Variants in ADGRB3 observed in about 807,000 individuals in gnomAD.
The protein encoded by ADGRB3 is brain-specific angiogenesis inhibitor 3.
A neutral mutation model predicts 193.4 loss-of-function variants in ADGRB3; 37 were observed. That is an observed-to-expected ratio of 0.19 (90% confidence interval 0.15 to 0.25). The LOEUF (loss-of-function observed/expected upper bound fraction) is 0.25, where lower values mean the gene tolerates loss of function less well. Among genes scored for constraint, ADGRB3 ranks in the 10% least tolerant of loss-of-function variants. The pLI is 1.00. For synonymous variants in ADGRB3, 690 were observed against 644.2 expected (o/e 1.07, Z -1.08); for missense variants, 1,637 against 1,852.9 (o/e 0.88, Z 2.14).
intron 3 of ADGRB3, among the ~76,000 whole-genome samples, chr6:68,740,284 C>T (rs898407008): frequency 2.0e-5 from 3 of 152,066 alleles, no homozygotes; most frequent in Non-Finnish European, 4.4e-5. Flanking sequence ...TAAGTCTGGG[C>T]GTGGTGGCAT....
intron 17 of ADGRB3, among the ~76,000 whole-genome samples, chr6:69,096,909 C>G (rs1049415421): frequency 2.6e-5 from 4 of 152,170 alleles, no homozygotes; most frequent in African/African-American, 9.7e-5. Context: ...CAAGGTCTCT[C>G]AGGAATCCAA....
At chr6:69,188,657 A>AT (rs567376004) in intron 17 of ADGRB3, among the ~76,000 whole-genome samples, 27 of 151,600 alleles carry the variant, frequency 1.8e-4, no homozygotes, top group South Asian at 4.2e-4. Flanking sequence ...CTCACAACAG[A>AT]TTTTTTTTTG....
chr6:69,347,862 A>G (rs1298757389), intron 26 of ADGRB3, among the ~76,000 whole-genome samples: 1 of 152,188 alleles, frequency 6.6e-6, no homozygotes, highest in Non-Finnish European at 1.5e-5. Flanking sequence ...CCTGGATTTT[A>G]CCAAAACAGA....
chr6:68,674,962 T>C (rs1440937314), intron 3 of ADGRB3, among the ~76,000 whole-genome samples: 1 of 152,030 alleles, frequency 6.6e-6, no homozygotes, highest in African/African-American at 2.4e-5. Context: ...AAATATAAGA[T>C]AGGGAAGTTA....
chr6:69,316,556 T>C (rs79967862), intron 20 of ADGRB3, among the ~76,000 whole-genome samples: 12,309 of 151,484 alleles, frequency 0.081, 586 homozygotes, highest in Non-Finnish European at 0.11. Context: ...TATTGTAGAA[T>C]TTTAGATCTA....
chr6:69,347,572 T>A (rs1193308147), intron 26 of ADGRB3, among the ~76,000 whole-genome samples: 2 of 152,046 alleles, frequency 1.3e-5, no homozygotes, highest in Admixed American at 6.6e-5. Flanking sequence ...AGGCCTGGAC[T>A]TTTAGACCAG....
At chr6:68,702,248 TA>T (rs1244442803) in intron 3 of ADGRB3, among the ~76,000 whole-genome samples, 1 of 151,618 alleles carries the variant, frequency 6.6e-6, no homozygotes, top group Non-Finnish European at 1.5e-5. Flanking sequence ...AGGGAAGTAC[TA>T]CACTTTTTTA....
intron 17 of ADGRB3, among the ~76,000 whole-genome samples, chr6:69,175,911 C>T (rs1200889116): frequency 1.3e-5 from 2 of 152,078 alleles, no homozygotes; most frequent in Non-Finnish European, 2.9e-5. Context: ...AATGGGATTG[C>T]ATTCTTGATT....
At chr6:69,109,664 T>C (rs991838957) in intron 17 of ADGRB3, among the ~76,000 whole-genome samples, 2 of 150,326 alleles carry the variant, frequency 1.3e-5, no homozygotes, top group African/African-American at 4.9e-5. Flanking sequence ...CAAGATTGTC[T>C]GATGGCAGAG....
chr6:69,190,774 G>A (rs1765169802), intron 17 of ADGRB3, among the ~76,000 whole-genome samples: 1 of 151,940 alleles, frequency 6.6e-6, no homozygotes, highest in Non-Finnish European at 1.5e-5. Context: ...CAATATATGT[G>A]TACTGTTTTT....
chr6:69,187,496 A>C (rs1765096640), intron 17 of ADGRB3, among the ~76,000 whole-genome samples: 1 of 152,204 alleles, frequency 6.6e-6, no homozygotes, highest in South Asian at 2.1e-4. Context: ...TCATCTTCAA[A>C]GTGAAATTAT....
At chr6:69,232,557 C>T in intron 17 of ADGRB3, 1 of 1,535,596 alleles carries the variant, frequency 6.5e-7, no homozygotes, top group Non-Finnish European at 8.7e-7. Context: ...GGCAAAGAAG[C>T]AGTTGAGGGA....
chr6:69,352,792 C>A (rs2127326543), intron 26 of ADGRB3, among the ~76,000 whole-genome samples: 1 of 152,258 alleles, frequency 6.6e-6, no homozygotes, highest in South Asian at 2.1e-4. Flanking sequence ...TGTTTTGTTT[C>A]CTGGCCAACA....
At chr6:69,232,730 C>A in intron 17 of ADGRB3, 1 of 1,022,370 alleles carries the variant, frequency 9.8e-7, no homozygotes. Context: ...GTGAAATTTT[C>A]ACAGCAGCTA....
At chr6:69,250,439 G>T (rs1454804990) in intron 20 of ADGRB3, among the ~76,000 whole-genome samples, 1 of 152,088 alleles carries the variant, frequency 6.6e-6, no homozygotes, top group Non-Finnish European at 1.5e-5. Flanking sequence ...CCTAAGAACA[G>T]CATCCTTTAT....
intron 20 of ADGRB3, among the ~76,000 whole-genome samples, chr6:69,312,878 T>C (rs1768225043): frequency 6.6e-6 from 1 of 151,814 alleles, no homozygotes; most frequent in South Asian, 2.1e-4. Context: ...TAAGTCTAGA[T>C]AAATTACTGT....
chr6:69,364,385 AAAG>A (rs1422211051), intron 29 of ADGRB3, among the ~76,000 whole-genome samples: 2 of 152,046 alleles, frequency 1.3e-5, no homozygotes, highest in Non-Finnish European at 2.9e-5. Flanking sequence ...AAGAAGCAAC[AAAG>A]AAAGAAGGAG....
chr6:68,768,845 G>GA (rs796157336), intron 3 of ADGRB3, among the ~76,000 whole-genome samples: 2,750 of 139,992 alleles, frequency 0.02, 61 homozygotes, highest in African/African-American at 0.058. Context: ...AAATTTACAA[G>GA]AAAAAAAAAA....
intron 30 of ADGRB3, among the ~76,000 whole-genome samples, chr6:69,379,924 A>G (rs1478340479): frequency 2.0e-5 from 3 of 152,014 alleles, no homozygotes; most frequent in Admixed American, 6.6e-5. Context: ...CTTCAGCTTT[A>G]TTATTCAGAA....
Sources: gnomAD v4.1 joint callset for allele counts (sites outside exome capture counted in the v4.1 genomes callset) on GRCh38, gnomAD v4.1.1 for gene constraint, MANE v1.5 for transcripts, NCBI Gene and HGNC (gene_info 2026-07-23, HGNC 2026-07-21) for gene names.